Variants in SGCZ observed in about 807,000 individuals in gnomAD.
The protein encoded by SGCZ is sarcoglycan zeta, also known as zeta-sarcoglycan.
In SGCZ, 40 loss-of-function variants were observed where a neutral mutation model predicts 41.3. The observed-to-expected ratio is 0.97, with a 90% confidence interval of 0.75 to 1.26. The LOEUF is 1.26. Among genes scored for constraint, SGCZ ranks in the 50% most tolerant of loss-of-function variants. SGCZ has a pLI of 0.00. For synonymous variants in SGCZ, 206 were observed against 137.5 expected (o/e 1.50, Z -3.49); for missense variants, 552 against 369.8 (o/e 1.49, Z -4.04).
At chr8:15,061,020 T>A (rs1287792786) in intron 1 of SGCZ, among the ~76,000 whole-genome samples, 1 of 152,158 alleles carries the variant, frequency 6.6e-6, no homozygotes, top group Non-Finnish European at 1.5e-5. Flanking sequence ...TTTCTGGGAT[T>A]TCTTCCACAC....
At chr8:15,102,094 C>T (rs1272261109) in intron 1 of SGCZ, among the ~76,000 whole-genome samples, 2 of 152,172 alleles carry the variant, frequency 1.3e-5, no homozygotes, top group Admixed American at 1.3e-4. Flanking sequence ...TATGTCCACA[C>T]AAAAACCTGC....
intron 1 of SGCZ, among the ~76,000 whole-genome samples, chr8:14,981,341 A>G (rs1262152062): frequency 6.6e-6 from 1 of 152,232 alleles, no homozygotes; most frequent in East Asian, 1.9e-4. Context: ...CACCTGTGTT[A>G]AGATGCTACC....
intron 4 of SGCZ, among the ~76,000 whole-genome samples, chr8:14,211,640 C>A (rs1383499859): frequency 6.7e-6 from 1 of 148,388 alleles, no homozygotes; most frequent in African/African-American, 2.6e-5. Flanking sequence ...CGTCTTACCA[C>A]AATTAAGCAG....
chr8:14,848,979 A>G (rs1338056571), intron 1 of SGCZ, among the ~76,000 whole-genome samples: 1 of 152,168 alleles, frequency 6.6e-6, no homozygotes, highest in African/African-American at 2.4e-5. Context: ...AAAACACAAT[A>G]ATAAGAAAGC....
chr8:14,375,412 T>C (rs1804081620), intron 2 of SGCZ, among the ~76,000 whole-genome samples: 1 of 152,126 alleles, frequency 6.6e-6, no homozygotes, highest in African/African-American at 2.4e-5. Context: ...AATCCCATGA[T>C]CAAGAACATA....
chr8:14,189,681 T>G (rs1461914306), intron 4 of SGCZ, among the ~76,000 whole-genome samples: 1 of 152,232 alleles, frequency 6.6e-6, no homozygotes, highest in East Asian at 1.9e-4. Flanking sequence ...TCCTTTACAT[T>G]GTTGGTGGCC....
intron 1 of SGCZ, among the ~76,000 whole-genome samples, chr8:14,988,665 G>C (rs1352725828): frequency 6.6e-6 from 1 of 151,892 alleles, no homozygotes; most frequent in Non-Finnish European, 1.5e-5. Flanking sequence ...CTAATAGTTA[G>C]CCAAGGAATT....
intron 1 of SGCZ, among the ~76,000 whole-genome samples, chr8:14,936,611 T>G (rs1800092943): frequency 6.6e-6 from 1 of 151,900 alleles, no homozygotes; most frequent in African/African-American, 2.4e-5. Context: ...TATAAAACTT[T>G]GAACCCAGTC....
At chr8:14,858,409 AT>A (rs2130672157) in intron 1 of SGCZ, among the ~76,000 whole-genome samples, 1 of 152,198 alleles carries the variant, frequency 6.6e-6, no homozygotes, top group East Asian at 1.9e-4. Context: ...ACAGAAGGCA[AT>A]TGTAGTGTGA....
chr8:14,964,298 T>C (rs1314111526), intron 1 of SGCZ, among the ~76,000 whole-genome samples: 2 of 152,168 alleles, frequency 1.3e-5, no homozygotes, highest in South Asian at 4.1e-4. Flanking sequence ...TCACAAGACA[T>C]GTAAACAAGA....
intron 1 of SGCZ, among the ~76,000 whole-genome samples, chr8:15,228,233 T>C (rs1330115577): frequency 6.6e-6 from 1 of 152,210 alleles, no homozygotes; most frequent in Non-Finnish European, 1.5e-5. Flanking sequence ...TCTTAAAAGA[T>C]CTTCAGTTGT....
chr8:15,099,158 A>G (rs6530835), intron 1 of SGCZ, among the ~76,000 whole-genome samples: 149,950 of 152,372 alleles, frequency 0.98, 73,842 homozygotes, highest in East Asian at 1. Flanking sequence ...CATCTCAGAA[A>G]CAATAGGTAA....
intron 2 of SGCZ, among the ~76,000 whole-genome samples, chr8:14,324,616 G>A (rs1306305687): frequency 2.0e-5 from 3 of 152,064 alleles, no homozygotes; most frequent in South Asian, 2.1e-4. Flanking sequence ...AAAATATTCA[G>A]AGTCACATTG....
At chr8:14,799,194 G>A (rs1801234013) in intron 1 of SGCZ, among the ~76,000 whole-genome samples, 1 of 151,940 alleles carries the variant, frequency 6.6e-6, no homozygotes, top group Non-Finnish European at 1.5e-5. Flanking sequence ...AAGATATTTA[G>A]AATCCATTTA....
intron 1 of SGCZ, among the ~76,000 whole-genome samples, chr8:14,937,662 A>T (rs1404438300): frequency 1.3e-5 from 2 of 152,152 alleles, no homozygotes; most frequent in East Asian, 3.8e-4. Context: ...CTTTCATTAC[A>T]ATAGAAAATA....
At chr8:14,198,105 G>A (rs947509483) in intron 4 of SGCZ, among the ~76,000 whole-genome samples, 37 of 152,148 alleles carry the variant, frequency 2.4e-4, no homozygotes, top group African/African-American at 8.9e-4. Context: ...ATTCCAGAAA[G>A]AAACAATTCA....
At chr8:15,098,119 G>C (rs1217781621) in intron 1 of SGCZ, among the ~76,000 whole-genome samples, 2 of 150,936 alleles carry the variant, frequency 1.3e-5, no homozygotes, top group African/African-American at 4.9e-5. Flanking sequence ...AGAAGTAACA[G>C]CCCCACATTA....
intron 2 of SGCZ, among the ~76,000 whole-genome samples, chr8:14,425,457 C>T (rs1224550531): frequency 6.6e-6 from 1 of 151,892 alleles, no homozygotes; most frequent in Non-Finnish European, 1.5e-5. Flanking sequence ...CCCATCTCTA[C>T]TAAAAATACA....
rs543369569 is a variant in SGCZ, at chr8:14,175,273, T to G, written c.425-10571A>C. On this transcript the variant is annotated intron_variant, in intron 4 of 7. Coordinates refer to ENST00000382080, the MANE Select transcript of SGCZ (RefSeq NM_139167.4). ...AGAACGAATCATGAACAAATTTATG[T>G]GAAGAAAATTATAAAGGACTATTTT... is the stretch of plus-strand genomic sequence containing the variant. Among the ~76,000 whole-genome samples, 3 of 152,126 alleles carry G rather than the reference T, an allele frequency of 2.0e-5. 1 individual carries two copies. The South Asian group carries it at 6.2e-4, about 32-fold the overall frequency.
Sources: allele counts gnomAD v4.1 joint callset (sites outside exome capture counted in the v4.1 genomes callset), GRCh38; gene constraint gnomAD v4.1.1; transcripts MANE v1.5; gene names NCBI Gene and HGNC (gene_info 2026-07-23, HGNC 2026-07-21).